Variants in ARHGAP31 observed in about 807,000 individuals in gnomAD.
The protein encoded by ARHGAP31 is Rho GTPase activating protein 31, also known as rho GTPase-activating protein 31.
Under a neutral mutation model 113.9 loss-of-function variants are expected in ARHGAP31, and 34 were observed. The ratio of observed to expected loss-of-function variants is 0.30; its 90% CI spans 0.23 to 0.40. The LOEUF (loss-of-function observed/expected upper bound fraction) is 0.40, where lower values mean the gene tolerates loss of function less well. Among genes scored for constraint, ARHGAP31 ranks in the 10% least tolerant of loss-of-function variants. ARHGAP31 has a pLI of 1.00. For missense variants in ARHGAP31, 1,548 were observed against 1,767.1 expected (o/e 0.88, Z 2.22); for synonymous variants, 650 against 684.8 (o/e 0.95, Z 0.79).
chr3:119,382,640 C>A (rs2080411674), intron 5 of ARHGAP31, among the ~76,000 whole-genome samples: 1 of 152,178 alleles, frequency 6.6e-6, no homozygotes, highest in Admixed American at 6.5e-5. Context: ...TATGGCTGAA[C>A]TTATGGGTCT....
intron 1 of ARHGAP31, among the ~76,000 whole-genome samples, chr3:119,296,506 C>G (rs1053675467): frequency 2.3e-4 from 35 of 152,276 alleles, no homozygotes; most frequent in African/African-American, 8.2e-4. Context: ...TTCAAGTTAA[C>G]CTCCAGGTAC....
rs1362297573 is a variant in ARHGAP31, at chr3:119,409,450, T to G, written c.1646-46T>G. The G allele has an allele frequency of 1.9e-6, 3 of 1,610,708 alleles. No homozygotes were observed. In the East Asian group the frequency reaches 6.7e-5, roughly 36 times the overall value. The stretch of plus-strand genomic sequence containing the variant: ...GTGACTGTGTTGGGAAGAGTCTCTC[T>G]TGAAATGAAGTCTCCTTTAACTGAT... On this transcript the variant is annotated intron_variant, in intron 10 of 11. Coordinates refer to ENST00000264245, the MANE Select transcript of ARHGAP31 (RefSeq NM_020754.4).
intron 2 of ARHGAP31, among the ~76,000 whole-genome samples, chr3:119,366,108 A>C (rs1055181852): frequency 4.6e-5 from 7 of 152,054 alleles, no homozygotes; most frequent in Non-Finnish European, 1.0e-4. Flanking sequence ...AGTATATAGA[A>C]AACAGAGTAT....
At chr3:119,358,521 T>C (rs2107619661) in intron 1 of ARHGAP31, among the ~76,000 whole-genome samples, 1 of 152,294 alleles carries the variant, frequency 6.6e-6, no homozygotes, top group East Asian at 1.9e-4. Flanking sequence ...ATTGAAAACA[T>C]ATATCCATAC....
chr3:119,323,621 T>A (rs1163975923), intron 1 of ARHGAP31, among the ~76,000 whole-genome samples: 1 of 152,066 alleles, frequency 6.6e-6, no homozygotes, highest in Non-Finnish European at 1.5e-5. Flanking sequence ...ACATACTGTC[T>A]CACCTGAGAG....
At chr3:119,389,643 A>G (rs1212025577) in intron 6 of ARHGAP31, among the ~76,000 whole-genome samples, 1 of 152,136 alleles carries the variant, frequency 6.6e-6, no homozygotes, top group African/African-American at 2.4e-5. Flanking sequence ...CCCTTTTTCA[A>G]TGGTTTTACT....
At chr3:119,363,587 C>G (rs2080228553) in intron 1 of ARHGAP31, among the ~76,000 whole-genome samples, 1 of 152,096 alleles carries the variant, frequency 6.6e-6, no homozygotes, top group African/African-American at 2.4e-5. Context: ...CTTTATTGAG[C>G]ACTTAAAATT....
intron 1 of ARHGAP31, among the ~76,000 whole-genome samples, chr3:119,306,521 C>T (rs1263804475): frequency 2.6e-5 from 4 of 152,202 alleles, no homozygotes; most frequent in African/African-American, 9.7e-5. Flanking sequence ...CGCACCACTG[C>T]ACTCTAGCCT....
chr3:119,294,674 T>G lies in ARHGAP31; in HGVS notation c.-231T>G. ...GCGAGCCGGCCCGCGGCTGCCAGTC[T>G]GCACGGCCTCGGCACGGCGGCCCCG... On this transcript the variant is annotated 5_prime_UTR_variant, in exon 1 of 12. Transcript: ENST00000264245. 1 of 580,058 alleles carries G rather than the reference T, an allele frequency of 1.7e-6. No individual in the cohort carries two copies. The highest frequency in any genetic ancestry group is 3.0e-6 in the Non-Finnish European group (1 of 331,630). 35.9% of individuals were successfully genotyped at this position (580,058 alleles called of 1,614,324 possible).
intron 1 of ARHGAP31, among the ~76,000 whole-genome samples, chr3:119,295,445 C>T (rs868008381): frequency 7.6e-6 from 1 of 132,084 alleles, no homozygotes; most frequent in South Asian, 2.3e-4. Context: ...ATTTCGTCTG[C>T]TCACATCTTT....
At chr3:119,398,463 A>G (rs563773264) in intron 8 of ARHGAP31, among the ~76,000 whole-genome samples, 1 of 152,226 alleles carries the variant, frequency 6.6e-6, no homozygotes, top group Admixed American at 6.5e-5. Context: ...CCTAGAAGGA[A>G]CTACCTTTCA....
chr3:119,417,919 G>A lies in ARHGAP31; in HGVS notation c.*1655G>A, dbSNP rs2080792213. Reference sequence around the variant, plus strand: ...TAAGGGCTGATAGTACCTCTGGGTAGGCGTCACAACCAAGGCTGGTTCTGG... The same window carrying A: ...TAAGGGCTGATAGTACCTCTGGGTAAGCGTCACAACCAAGGCTGGTTCTGG... On this transcript the variant is annotated 3_prime_UTR_variant, in exon 12 of 12. Coordinates refer to ENST00000264245, the MANE Select transcript of ARHGAP31 (RefSeq NM_020754.4). The A allele has an allele frequency of 6.6e-6, 1 of 152,100 alleles. No individual in the cohort carries two copies. The allele number at this position is 152,100 out of a possible 1,614,324, so 9.4% of individuals were successfully genotyped here.
chr3:119,415,272 A>G lies in ARHGAP31; in HGVS notation c.3343A>G (p.Ile1115Val). 6.2e-7 allele frequency: 1 copy of G among 1,614,128 alleles called. No individual in the cohort carries two copies. The highest frequency in any genetic ancestry group is 8.5e-7 in the Non-Finnish European group (1 of 1,180,026). ...CCTCAACTTGGACCCTGCCATTCCC[A>G]TTGCTGACCTCTTCTGGTTTGAGAA... is the stretch of plus-strand genomic sequence containing the variant. ...SSLNLDPAIP[I>V]ADLFWFENVA... is the part of the protein sequence containing the mutation. Residue 1115 changes from isoleucine (I) to valine (V), a missense_variant, in exon 12 of 12, where the codon ATT (isoleucine) becomes GTT (valine). Transcript: ENST00000264245.
At chr3:119,320,012 T>C (rs970506971) in intron 1 of ARHGAP31, among the ~76,000 whole-genome samples, 3 of 152,224 alleles carry the variant, frequency 2.0e-5, no homozygotes, top group Non-Finnish European at 4.4e-5. Flanking sequence ...CACCTCTCTG[T>C]GTATGGCTTG....
intron 1 of ARHGAP31, among the ~76,000 whole-genome samples, chr3:119,312,591 A>G (rs1379896779): frequency 1.3e-5 from 2 of 152,260 alleles, no homozygotes; most frequent in Non-Finnish European, 2.9e-5. Flanking sequence ...AATTACAAAA[A>G]TAATAAAATA....
chr3:119,317,183 CTTT>C (rs58689017), intron 1 of ARHGAP31, among the ~76,000 whole-genome samples: 29 of 146,638 alleles, frequency 2.0e-4, no homozygotes, highest in Non-Finnish European at 2.6e-4. Flanking sequence ...TTTCTTTTTT[CTTT>C]TTTTTTTTTT....
chr3:119,325,336 A>C (rs1015138728), intron 1 of ARHGAP31, among the ~76,000 whole-genome samples: 1 of 152,248 alleles, frequency 6.6e-6, no homozygotes, highest in Non-Finnish European at 1.5e-5. Flanking sequence ...TTAATATTTT[A>C]GAAACACATT....
rs71693848 is a variant in ARHGAP31, at chr3:119,321,279, C to CTA, written c.100+26290_100+26291dup. On this transcript the variant is annotated intron_variant, in intron 1 of 11. Transcript: ENST00000264245. ...CAGCAATTTCACATATATATATATA[C>CTA]TATATATATATATATAGTATATATA... 1.7e-3 allele frequency among the ~76,000 whole-genome samples: 237 copies of CTA among 140,422 alleles called. 1 individual carries two copies. Among genetic ancestry groups the CTA allele is most frequent in the South Asian group, 0.013 (58 of 4,558 alleles). 92.1% of individuals were successfully genotyped at this position (140,422 alleles called of 152,430 possible). A position where few individuals can be genotyped will look rare whatever the true frequency, so the allele number is the denominator to read the frequency against.
chr3:119,332,633 TCTCACA>T (rs1266376440), intron 1 of ARHGAP31, among the ~76,000 whole-genome samples: 785 of 61,404 alleles, frequency 0.013, 4 homozygotes, highest in Middle Eastern at 0.027. Flanking sequence ...TCTCTCTCTC[TCTCACA>T]CACACACACA....
Sources: allele counts gnomAD v4.1 joint callset (sites outside exome capture counted in the v4.1 genomes callset), GRCh38; gene constraint gnomAD v4.1.1; transcripts MANE v1.5; gene names NCBI Gene and HGNC (gene_info 2026-07-23, HGNC 2026-07-21).